TTYH2: variants seen among roughly 807,000 people sequenced by gnomAD.
The protein encoded by TTYH2 is protein tweety homolog 2.
TTYH2 carries 49 observed loss-of-function variants against 68.3 expected under a neutral mutation model. The observed-to-expected ratio is 0.72, with a 90% confidence interval of 0.57 to 0.91. The LOEUF is 0.91. TTYH2 is among the 40% of genes least tolerant of loss of function. The probability of loss-of-function intolerance (pLI) is 0.00; values close to 1 mark genes in which losing one functional copy is unlikely to be tolerated. For synonymous variants in TTYH2, 272 were observed against 300.8 expected (o/e 0.90, Z 0.99); for missense variants, 631 against 700.4 (o/e 0.90, Z 1.12).
chr17:74,254,214 T>G (rs1002241120), intron 13 of TTYH2, among the ~76,000 whole-genome samples: 4 of 152,064 alleles, frequency 2.6e-5, no homozygotes, highest in African/African-American at 9.7e-5. Flanking sequence ...CTCACTCTAT[T>G]GCCCAGGCTG....
chr17:74,229,495 G>A (rs976290732), intron 2 of TTYH2, among the ~76,000 whole-genome samples: 3 of 152,018 alleles, frequency 2.0e-5, no homozygotes, highest in African/African-American at 7.2e-5. Flanking sequence ...GCCAGAATGT[G>A]AGATGTCATC....
intron 6 of TTYH2, among the ~76,000 whole-genome samples, chr17:74,244,866 GTGTGTGTGTGTGTGTGTT>G (rs1041452463): frequency 1.3e-4 from 19 of 151,860 alleles, no homozygotes; most frequent in Non-Finnish European, 2.4e-4. Flanking sequence ...GTGTGTGTGT[GTGTGTGTGTGTGTGTGTT>G]TGTGTGTGTG....
In TTYH2 at chr17:74,215,171, G is replaced by C. The variant is rs1451023686; in HGVS notation, c.129+1455G>C. ...GGCGGATATGATTTCAGAAACAGCCGTGTGTGTGTGTGTGTGTGTGTGTGT... is the reference window on the plus strand; with the variant it reads ...GGCGGATATGATTTCAGAAACAGCCCTGTGTGTGTGTGTGTGTGTGTGTGT... On this transcript the variant is annotated intron_variant, in intron 1 of 13. Transcript: ENST00000269346. This position sits in a 1 kb window ranked among gnomAD's most constrained non-coding sequence, Gnocchi z 4.3. Among the ~76,000 whole-genome samples, 2 of 34,462 alleles carry C rather than the reference G, an allele frequency of 5.8e-5. No individual in the cohort carries two copies. Among genetic ancestry groups the C allele is most frequent in the Non-Finnish European group, 9.9e-5 (2 of 20,298 alleles). 22.6% of individuals were successfully genotyped at this position (34,462 alleles called of 152,430 possible). A position where few individuals can be genotyped will look rare whatever the true frequency, so the allele number is the denominator to read the frequency against.
chr17:74,250,184 T>G, intron 9 of TTYH2, 81 bp from the exon 10 acceptor site: 1 of 1,489,562 alleles, frequency 6.7e-7, no homozygotes, highest in African/African-American at 1.4e-5. Context: ...TAGAGGCCCC[T>G]GAGCACAGCT....
At chr17:74,257,876 C>G (rs1359158815) in intron 13 of TTYH2, among the ~76,000 whole-genome samples, 1 of 152,118 alleles carries the variant, frequency 6.6e-6, no homozygotes, top group Non-Finnish European at 1.5e-5. Context: ...GGGTCTTGGC[C>G]AGCACCATGC....
chr17:74,227,259 G>T (rs1379849876), intron 2 of TTYH2, among the ~76,000 whole-genome samples: 1 of 152,154 alleles, frequency 6.6e-6, no homozygotes, highest in Non-Finnish European at 1.5e-5. Flanking sequence ...ACAGGCTTGA[G>T]CCCCAAGGCG....
intron 13 of TTYH2, among the ~76,000 whole-genome samples, chr17:74,256,353 A>T (rs1473440086): frequency 6.6e-6 from 1 of 151,990 alleles, no homozygotes; most frequent in African/African-American, 2.4e-5. Context: ...TAGGGAGTGG[A>T]GCACCCACCA....
At position 74,214,850 on chromosome 17, in the gene TTYH2, G is replaced by A. The variant is rs1413652046; in HGVS notation, c.129+1134G>A. Among the ~76,000 whole-genome samples, 1 of 152,168 alleles carries A rather than the reference G, an allele frequency of 6.6e-6. No individual in the cohort carries two copies. Among genetic ancestry groups the A allele is most frequent in the Non-Finnish European group, 1.5e-5 (1 of 68,028 alleles). On this transcript the variant is annotated intron_variant, in intron 1 of 13. Transcript: ENST00000269346. This position sits in a 1 kb window ranked among gnomAD's most constrained non-coding sequence, Gnocchi z 4.6. ...AGATCAGGGCAAAGCAGGGCCTCTT[G>A]GAGGGAATCCTGATCCAGTGTGAGG...
chr17:74,253,313 C>T, intron 12 of TTYH2, 47 bp downstream of exon 12: 1 of 1,520,914 alleles, frequency 6.6e-7, no homozygotes, highest in South Asian at 1.3e-5. Flanking sequence ...GCCCGGACAG[C>T]ATGTTGGGTG....
rs570849915 is a variant in TTYH2 at position 74,217,931 on chromosome 17, C to T, written c.129+4215C>T. On this transcript the variant is annotated intron_variant, in intron 1 of 13. Coordinates refer to ENST00000269346, the MANE Select transcript of TTYH2 (RefSeq NM_032646.6). The surrounding 1 kb of genome is among the most constrained non-coding windows in gnomAD (Gnocchi z 4.0). The stretch of plus-strand genomic sequence containing the variant: ...TGTGGGAGCTGGGGGCCTGGTGTTG[C>T]TGTGGGACAAGGAGGTGGCTGCAGG... Among the ~76,000 whole-genome samples, 2,812 of 152,118 alleles carry T rather than the reference C, an allele frequency of 0.018. 98 individuals carry two copies. The highest frequency in any genetic ancestry group is 0.062 in the African/African-American group (2,557 of 41,474).
chr17:74,246,570 C>G (rs1279808160), intron 6 of TTYH2, among the ~76,000 whole-genome samples: 1 of 152,182 alleles, frequency 6.6e-6, no homozygotes, highest in African/African-American at 2.4e-5. Context: ...GCTCAGCCAT[C>G]ACCTGGGCTG....
chr17:74,258,608 C>T (rs2050716341), intron 13 of TTYH2, among the ~76,000 whole-genome samples: 2 of 152,002 alleles, frequency 1.3e-5, no homozygotes, highest in Non-Finnish European at 2.9e-5. Flanking sequence ...AAAGCTGCTG[C>T]TGCTGCCCTG....
At chr17:74,252,598 G>A (rs2050645176) in intron 11 of TTYH2, among the ~76,000 whole-genome samples, 1 of 152,228 alleles carries the variant, frequency 6.6e-6, no homozygotes, top group Admixed American at 6.5e-5. Context: ...AGCAAGAGCT[G>A]GGGCCCAGGG....
chr17:74,257,741 G>A (rs2050707543), intron 13 of TTYH2, among the ~76,000 whole-genome samples: 4 of 152,244 alleles, frequency 2.6e-5, no homozygotes, highest in Admixed American at 2.6e-4. Flanking sequence ...GGCAGTTAAA[G>A]ATACTGACGT....
rs900334363 is a variant in TTYH2 at position 74,260,524 on chromosome 17, T to A, written c.*315T>A. 5.2e-6 allele frequency: 2 copies of A among 384,112 alleles called. No homozygotes were observed. The highest frequency in any genetic ancestry group is 9.9e-6 in the Non-Finnish European group (2 of 202,452). 23.8% of individuals were successfully genotyped at this position (384,112 alleles called of 1,614,324 possible). A position where few individuals can be genotyped will look rare whatever the true frequency, so the allele number is the denominator to read the frequency against. ...CGCCTCGCCCTTGCCAGGAGGGGAG[T>A]GGCAGTGAGGAGGGGGCCAGGTCAG... On this transcript the variant is annotated 3_prime_UTR_variant, in exon 14 of 14. Coordinates refer to ENST00000269346, the MANE Select transcript of TTYH2 (RefSeq NM_032646.6).
At position 74,239,672 on chromosome 17, in the gene TTYH2, C is replaced by T. The variant is rs951605641; in HGVS notation, c.635+2158C>T. ...CCCAGCCCGTCCAGTCCCTGCATCTCCGCCATGTCCTGGATGCTCTGGATT... is the reference window on the plus strand; with the variant it reads ...CCCAGCCCGTCCAGTCCCTGCATCTTCGCCATGTCCTGGATGCTCTGGATT... On this transcript the variant is annotated intron_variant, in intron 4 of 13. Coordinates refer to ENST00000269346, the MANE Select transcript of TTYH2 (RefSeq NM_032646.6). This position sits in a 1 kb window ranked among gnomAD's most constrained non-coding sequence, Gnocchi z 5.3. 1.3e-5 allele frequency among the ~76,000 whole-genome samples: 2 copies of T among 152,200 alleles called. No homozygotes were observed. Among genetic ancestry groups the T allele is most frequent in the Non-Finnish European group, 2.9e-5 (2 of 68,034 alleles).
intron 13 of TTYH2, among the ~76,000 whole-genome samples, chr17:74,255,179 T>G (rs1237832087): frequency 1.3e-5 from 2 of 152,256 alleles, no homozygotes; most frequent in African/African-American, 2.4e-5. Context: ...GCCAAAGGCC[T>G]GGGTTCAAAT....
intron 6 of TTYH2, chr17:74,248,076 C>G (rs1406127499): frequency 6.4e-6 from 1 of 156,018 alleles, no homozygotes; most frequent in Non-Finnish European, 1.4e-5. Flanking sequence ...ATTGTGGACC[C>G]CTGAGGCAGT....
intron 10 of TTYH2, 156 bp from the exon 11 acceptor site, chr17:74,252,078 T>C: frequency 2.3e-6 from 2 of 853,238 alleles, no homozygotes; most frequent in Non-Finnish European, 3.7e-6. Flanking sequence ...GGCTCCAGAG[T>C]GTGGACCTTT....
Sources: allele counts gnomAD v4.1 joint callset (sites outside exome capture counted in the v4.1 genomes callset), GRCh38; gene constraint gnomAD v4.1.1; non-coding constraint Gnocchi (gnomAD v3.1); transcripts MANE v1.5; gene names NCBI Gene and HGNC (gene_info 2026-07-23, HGNC 2026-07-21).